Variants in PCDHAC2 observed in about 807,000 individuals in gnomAD.
PCDHAC2 encodes protocadherin alpha-C2.
Under a neutral mutation model 63.3 loss-of-function variants are expected in PCDHAC2, and 24 were observed. That is an observed-to-expected ratio of 0.38 (90% CI 0.27 to 0.53). The LOEUF (loss-of-function observed/expected upper bound fraction) is 0.53. PCDHAC2 is among the 20% of genes least tolerant of loss of function. PCDHAC2 has a pLI of 0.81. For synonymous variants in PCDHAC2, 569 were observed against 529.4 expected (o/e 1.07, Z -1.03); for missense variants, 1,181 against 1,275.2 (o/e 0.93, Z 1.12).
chr5:140,998,070 G>T (rs2097795700), intron 3 of PCDHAC2, among the ~76,000 whole-genome samples: 1 of 152,050 alleles, frequency 6.6e-6, no homozygotes, highest in Admixed American at 6.6e-5. Context: ...AACAGACTTA[G>T]CCTCTGCAGT....
chr5:140,972,072 T>C (rs1380413898), intron 1 of PCDHAC2, among the ~76,000 whole-genome samples: 1 of 152,212 alleles, frequency 6.6e-6, no homozygotes, highest in Non-Finnish European at 1.5e-5. Flanking sequence ...ATTAACTGCT[T>C]TTGGAAAAAG....
intron 1 of PCDHAC2, among the ~76,000 whole-genome samples, chr5:140,975,638 C>T (rs1256768090): frequency 6.6e-6 from 1 of 152,130 alleles, no homozygotes; most frequent in Non-Finnish European, 1.5e-5. Context: ...ACGAAGATAG[C>T]ATATTATTTC....
In PCDHAC2 at chr5:140,969,034, G is replaced by A; in HGVS notation, c.2268G>A (p.Leu756=). The A allele has an allele frequency of 6.2e-7, 1 of 1,614,144 alleles. No homozygotes were observed. Among genetic ancestry groups the A allele is most frequent in the East Asian group, 2.2e-5 (1 of 44,882 alleles). ...TAAGGGAAAGGTCCCCTGCAGAACT[G>A]TACAAACAAGCCAACAACAATATTG... ...CGVRERSPAE[L]YKQANNNIDA... is the part of the protein sequence containing the mutation. Residue 756 remains leucine (L), a synonymous_variant, in exon 1 of 4, where the codon CTG becomes CTA. Transcript: ENST00000289269.
intron 1 of PCDHAC2, among the ~76,000 whole-genome samples, chr5:140,970,314 A>G (rs141905108): frequency 0.01 from 1,597 of 152,320 alleles, 13 homozygotes; most frequent in Middle Eastern, 0.014. Flanking sequence ...AAGTTAAATG[A>G]CAGTACTTCC....
chr5:140,970,270 T>C (rs2096394574), intron 1 of PCDHAC2, among the ~76,000 whole-genome samples: 1 of 152,234 alleles, frequency 6.6e-6, no homozygotes, highest in Non-Finnish European at 1.5e-5. Context: ...TTTGATGAGA[T>C]GTAAAGTAGC....
intron 2 of PCDHAC2, 179 bp from the exon 3 acceptor site, chr5:140,982,296 C>G (rs886254601): frequency 8.6e-7 from 1 of 1,167,014 alleles, no homozygotes; most frequent in African/African-American, 1.5e-5. Context: ...AGTAAGTCAG[C>G]AATGCTTCTG....
At chr5:140,981,001 C>A (rs2096914160) in intron 2 of PCDHAC2, among the ~76,000 whole-genome samples, 1 of 151,906 alleles carries the variant, frequency 6.6e-6, no homozygotes, top group Non-Finnish European at 1.5e-5. Flanking sequence ...CTAGTAGGAT[C>A]CAGGAACACT....
Position 140,968,845 on chromosome 5 carries a change from G to A in PCDHAC2, c.2079G>A (p.Arg693=). 6.2e-7 allele frequency: 1 copy of A among 1,614,176 alleles called. No homozygotes were observed. ...CCAAAATCCTCCCTGACACTCAGAGGCATGTTAAGAGCCCTCGGACATACT... is the reference window on the plus strand; with the variant it reads ...CCAAAATCCTCCCTGACACTCAGAGACATGTTAAGAGCCCTCGGACATACT... ...RVSKILPDTQ[R]HVKSPRTYSE... The change falls in exon 1 of 4, where the codon AGG becomes AGA. Residue 693 remains arginine, a synonymous_variant. Transcript: ENST00000289269.
intron 3 of PCDHAC2, among the ~76,000 whole-genome samples, chr5:140,985,188 C>T (rs1186148399): frequency 6.6e-6 from 1 of 152,192 alleles, no homozygotes; most frequent in African/African-American, 2.4e-5. Context: ...CCGCCTGCCT[C>T]GGTCTCCCAA....
Position 140,969,539 on chromosome 5 carries a change from A to G in PCDHAC2, c.2565+208A>G, listed in dbSNP as rs551546462. ...GAATTGTTTTATTTTTCATTTTCAGAGGCATGAAGCCTTGTCCATAAAATT... is the reference window on the plus strand; with the variant it reads ...GAATTGTTTTATTTTTCATTTTCAGGGGCATGAAGCCTTGTCCATAAAATT... On this transcript the variant is annotated intron_variant, in intron 1 of 3. Transcript: ENST00000289269. The G allele has an allele frequency of 2.3e-6, 3 of 1,303,614 alleles. No individual in the cohort carries two copies. The Admixed American group carries it at 8.5e-5, about 37-fold the overall frequency. 80.8% of individuals were successfully genotyped at this position (1,303,614 alleles called of 1,614,324 possible).
At chr5:141,006,662 G>A (rs1198129323) in intron 3 of PCDHAC2, among the ~76,000 whole-genome samples, 1 of 152,192 alleles carries the variant, frequency 6.6e-6, no homozygotes, top group Admixed American at 6.5e-5. Context: ...TCCTGAAAGA[G>A]TGGTGGCAGT....
intron 1 of PCDHAC2, 118 bp downstream of exon 1, chr5:140,969,449 AG>A (rs1470034134): frequency 2.8e-5 from 43 of 1,510,842 alleles, no homozygotes; most frequent in Non-Finnish European, 3.2e-5. Flanking sequence ...TGGTAAACTG[AG>A]TATATATAGT....
At chr5:140,975,174 T>C (rs1470598627) in intron 1 of PCDHAC2, among the ~76,000 whole-genome samples, 1 of 152,208 alleles carries the variant, frequency 6.6e-6, no homozygotes, top group Non-Finnish European at 1.5e-5. Context: ...GACTCAGGAC[T>C]CTTGTCCCAT....
At chr5:141,009,327 C>A (rs1445732436) in intron 3 of PCDHAC2, among the ~76,000 whole-genome samples, 3 of 152,142 alleles carry the variant, frequency 2.0e-5, no homozygotes, top group Non-Finnish European at 2.9e-5. Context: ...GGCATGGGAG[C>A]TTGTGCCTGT....
At chr5:140,999,494 C>G (rs2097859711) in intron 3 of PCDHAC2, among the ~76,000 whole-genome samples, 1 of 152,064 alleles carries the variant, frequency 6.6e-6, no homozygotes, top group Non-Finnish European at 1.5e-5. Context: ...CTATGTTACC[C>G]AAGAACCTAC....
At chr5:141,004,331 C>G (rs1244942275) in intron 3 of PCDHAC2, among the ~76,000 whole-genome samples, 1 of 152,210 alleles carries the variant, frequency 6.6e-6, no homozygotes, top group Non-Finnish European at 1.5e-5. Flanking sequence ...AGGTGAGGCA[C>G]AGTGGTCTGT....
Position 140,967,218 on chromosome 5 carries a change from C to G in PCDHAC2, c.452C>G (p.Pro151Arg). The G allele has an allele frequency of 6.2e-7, 1 of 1,613,744 alleles. No homozygotes were observed. The highest frequency in any genetic ancestry group is 8.5e-7 in the Non-Finnish European group (1 of 1,179,938). The change falls in exon 1 of 4, where the codon CCC becomes CGC. Residue 151 changes from proline to arginine, a missense_variant. Coordinates refer to ENST00000289269, the MANE Select transcript of PCDHAC2 (RefSeq NM_018899.6). Reference sequence around the variant, plus strand: ...GACAACTCACCGCGTTTCCCGCGGCCCAACTACCAGCTTCAGGTAAGCGAA... The same window carrying G: ...GACAACTCACCGCGTTTCCCGCGGCGCAACTACCAGCTTCAGGTAAGCGAA... ...INDNSPRFPR[P>R]NYQLQVSESV... is the part of the protein sequence containing the mutation.
At chr5:141,005,826 A>T (rs1283643370) in intron 3 of PCDHAC2, among the ~76,000 whole-genome samples, 4 of 151,340 alleles carry the variant, frequency 2.6e-5, no homozygotes, top group Admixed American at 6.6e-5. Flanking sequence ...GGTGGCCTGT[A>T]GTCCCAGCCA....
chr5:140,968,053 A>C lies in PCDHAC2; in HGVS notation c.1287A>C (p.Arg429=). The change falls in exon 1 of 4, where the codon CGA becomes CGC. Residue 429 remains arginine (R), a synonymous_variant. Transcript: ENST00000289269. ...YTLVVSGPLD[R]ERVAVYNITV... ...TGGTGGTGAGCGGCCCACTGGACCG[A>C]GAGCGGGTGGCTGTCTACAACATCA... The C allele has an allele frequency of 6.2e-7, 1 of 1,614,154 alleles. No individual in the cohort carries two copies. Among genetic ancestry groups the C allele is most frequent in the Non-Finnish European group, 8.5e-7 (1 of 1,180,028 alleles).
Sources: allele counts gnomAD v4.1 joint callset (sites outside exome capture counted in the v4.1 genomes callset), GRCh38; gene constraint gnomAD v4.1.1; transcripts MANE v1.5; gene names NCBI Gene and HGNC (gene_info 2026-07-23, HGNC 2026-07-21).